RALGDS: variants seen among roughly 807,000 people sequenced by gnomAD.
RALGDS encodes ral guanine nucleotide exchange factor.
Under a neutral mutation model 99.8 loss-of-function variants are expected in RALGDS, and 44 were observed. The observed-to-expected ratio is 0.44, with a 90% CI of 0.35 to 0.57. RALGDS has a LOEUF of 0.57. Among genes scored for constraint, RALGDS ranks in the 20% least tolerant of loss-of-function variants. The pLI is 0.01. For synonymous variants in RALGDS, 529 were observed against 505.0 expected (o/e 1.05, Z -0.64); for missense variants, 1,022 against 1,203.1 (o/e 0.85, Z 2.23).
At chr9:133,146,173 A>ATGTT (rs926132248) in intron 1 of RALGDS, among the ~76,000 whole-genome samples, 7 of 144,220 alleles carry the variant, frequency 4.9e-5, no homozygotes, top group African/African-American at 1.2e-4. Context: ...GGCTCCCATG[A>ATGTT]TGTTTGTTTG....
chr9:133,102,294 C>G (rs775240991), intron 14 of RALGDS, among the ~76,000 whole-genome samples, 155 bp from the exon 15 acceptor site: 13 of 152,176 alleles, frequency 8.5e-5, no homozygotes, highest in Non-Finnish European at 1.2e-4. Context: ...TAGTATCACC[C>G]CATTTCACAG....
Position 133,103,218 on chromosome 9 carries a change from G to T in RALGDS, c.1791+12C>A. On this transcript the variant is annotated intron_variant, in intron 12 of 17. Coordinates refer to ENST00000372050, the MANE Select transcript of RALGDS (RefSeq NM_006266.4). The stretch of plus-strand genomic sequence containing the variant: ...ACCCCTCCCCAAGTCAGGGCTGCCT[G>T]CAGCTGCTTACCTTCCTCCTCTTCT... The T allele has an allele frequency of 1.2e-6, 2 of 1,613,858 alleles. No individual in the cohort carries two copies. The highest frequency in any genetic ancestry group is 4.5e-5 in the East Asian group (2 of 44,884).
chr9:133,099,481 T>G (rs939805385), intron 17 of RALGDS: 3 of 140,126 alleles, frequency 2.1e-5, no homozygotes, highest in Admixed American at 7.4e-5. Context: ...GGGCTAATGG[T>G]GGGAGGTGGT....
chr9:133,142,621 C>T (rs932032692), intron 1 of RALGDS, among the ~76,000 whole-genome samples: 2 of 152,322 alleles, frequency 1.3e-5, no homozygotes, highest in South Asian at 4.1e-4. Flanking sequence ...CATAAGCTCA[C>T]ACCCCACCCC....
At chr9:133,104,451 T>C in intron 9 of RALGDS, 120 bp from the exon 10 acceptor site, 1 of 916,964 alleles carries the variant, frequency 1.1e-6, no homozygotes, top group Non-Finnish European at 1.8e-6. Context: ...TACTCACTAG[T>C]GTGGGGTCCT....
At chr9:133,121,841 G>A (rs1170757154), upstream of RALGDS, among the ~76,000 whole-genome samples, 2 of 152,266 alleles carry the variant, frequency 1.3e-5, no homozygotes, top group Non-Finnish European at 2.9e-5. Flanking sequence ...TGGAGAGGCT[G>A]ACCATGTGTT....
chr9:133,107,687 G>A (rs988663002), intron 6 of RALGDS, among the ~76,000 whole-genome samples: 11 of 152,228 alleles, frequency 7.2e-5, no homozygotes, highest in African/African-American at 2.7e-4. Context: ...ACAGATGGGG[G>A]TGACCCATGG....
chr9:133,120,774 C>T (rs534550113), intron 1 of RALGDS, among the ~76,000 whole-genome samples, 198 bp downstream of exon 1: 2 of 152,256 alleles, frequency 1.3e-5, no homozygotes, highest in African/African-American at 4.8e-5. Context: ...TTGGACGGGG[C>T]GCGGCGGCAG....
rs752467408 is a variant in RALGDS, at chr9:133,121,063, T to A, written c.92A>T (p.Asp31Val). The change falls in exon 1 of 18, where the codon GAC becomes GTC. Residue 31 changes from aspartate to valine, a missense_variant. Around this residue, in one of 3 missense-constraint regions of RALGDS, gnomAD observed 180 missense variants for 169.3 expected, o/e 1.06. Transcript: ENST00000372050. ...PGSRRSRSVWDAVRLEVGVPD... is the reference protein window; with the variant it reads ...PGSRRSRSVWVAVRLEVGVPD... ...GACGCCCACCTCCAGGCGCACGGCG[T>A]CCCACACGCTGCGGCTCCGCCGGGA... 1.3e-6 allele frequency: 2 copies of A among 1,487,162 alleles called. No homozygotes were observed. The highest frequency in any genetic ancestry group is 1.3e-5 in the South Asian group (1 of 79,402). 92.1% of individuals were successfully genotyped at this position (1,487,162 alleles called of 1,614,324 possible).
chr9:133,123,962 A>ACACAAAGATACACAGAGATG (rs1832053734), upstream of RALGDS, among the ~76,000 whole-genome samples: 1 of 141,066 alleles, frequency 7.1e-6, no homozygotes, highest in Non-Finnish European at 1.6e-5. Flanking sequence ...ACACACAGAG[A>ACACAAAGATACACAGAGATG]CACACACATA....
chr9:133,137,305 T>C (rs1261307833), intron 1 of RALGDS, among the ~76,000 whole-genome samples: 1 of 152,240 alleles, frequency 6.6e-6, no homozygotes, highest in Non-Finnish European at 1.5e-5. Context: ...TGTAAGCTCC[T>C]TGAGAGCAGG....
Position 133,106,544 on chromosome 9 carries a change from G to A in RALGDS, c.1517+101C>T, listed in dbSNP as rs530196669. The stretch of plus-strand genomic sequence containing the variant: ...CAACTCAGGTCAGTGAAGGGTCCCT[G>A]CCCTCAGGGTTTGTGGCCTCCCATG... On this transcript the variant is annotated intron_variant, in intron 8 of 17. Coordinates refer to ENST00000372050, the MANE Select transcript of RALGDS (RefSeq NM_006266.4). 1.3e-4 allele frequency: 113 copies of A among 889,150 alleles called. 1 individual carries two copies. The highest frequency in any genetic ancestry group is 8.1e-4 in the South Asian group (57 of 70,674). The allele number at this position is 889,150 out of a possible 1,614,324, so 55.1% of individuals were successfully genotyped here. A position where few individuals can be genotyped will look rare whatever the true frequency, so the allele number is the denominator to read the frequency against.
intron 1 of RALGDS, among the ~76,000 whole-genome samples, chr9:133,137,053 G>T (rs569987468): frequency 6.6e-6 from 1 of 152,112 alleles, no homozygotes; most frequent in Admixed American, 6.6e-5. Context: ...TGGCCAACAC[G>T]GTAAAACCCC....
At chr9:133,106,777 G>GGCC in intron 7 of RALGDS, 29 bp from the exon 8 acceptor site, 1 of 1,535,454 alleles carries the variant, frequency 6.5e-7, no homozygotes, top group South Asian at 1.1e-5. Context: ...GAGGCATGAG[G>GGCC]TGGGGCTGGA....
chr9:133,121,324 C>T, upstream of RALGDS: 7 of 671,488 alleles, frequency 1.0e-5, no homozygotes, highest in Non-Finnish European at 1.3e-5. Flanking sequence ...AGGGGCGGAA[C>T]CGGAGAGTCC....
Position 133,108,263 on chromosome 9 carries a change from C to G in RALGDS, c.922G>C (p.Ala308Pro), listed in dbSNP as rs768623077. The change falls in exon 6 of 18, where the codon GCT becomes CCT. Residue 308 changes from alanine to proline, a missense_variant. This residue lies in a region of RALGDS where 825 missense variants were observed against 994.5 expected (regional missense o/e 0.83). Coordinates refer to ENST00000372050, the MANE Select transcript of RALGDS (RefSeq NM_006266.4). ...TPAPGSELEV[A>P]PAPAPELQQA... ...TGGAGCTCCGGAGCTGGTGCTGGAG[C>G]TACTTCTAGCTCTGAACCTGGAGCT... is the stretch of plus-strand genomic sequence containing the variant. The G allele has an allele frequency of 1.3e-6, 2 of 1,583,970 alleles. No individual in the cohort carries two copies. Among genetic ancestry groups the G allele is most frequent in the Non-Finnish European group, 1.7e-6 (2 of 1,164,652 alleles).
intron 1 of RALGDS, among the ~76,000 whole-genome samples, chr9:133,146,613 C>T (rs926371057): frequency 1.3e-5 from 2 of 152,156 alleles, no homozygotes; most frequent in African/African-American, 2.4e-5. Context: ...CCCCTTCCTC[C>T]GAGGGTGATT....
At chr9:133,139,529 C>T (rs1186617703) in intron 1 of RALGDS, among the ~76,000 whole-genome samples, 1 of 152,230 alleles carries the variant, frequency 6.6e-6, no homozygotes, top group Non-Finnish European at 1.5e-5. Flanking sequence ...CTGCTTCACC[C>T]TTGAACTCCA....
At position 133,121,200 on chromosome 9, in the gene RALGDS, G is replaced by GGGC. The variant is rs1831925340; in HGVS notation, c.-49_-47dup. 1.1e-6 allele frequency: 1 copy of GGGC among 885,084 alleles called. No individual in the cohort carries two copies. Among genetic ancestry groups the GGGC allele is most frequent in the Non-Finnish European group, 1.4e-6 (1 of 740,540 alleles). The allele number at this position is 885,084 out of a possible 1,614,324, so 54.8% of individuals were successfully genotyped here. ...GCGGGGCCGGCCCGGCGCGCGGCGG[G>GGGC]GGCGGCGGCGCGGCCCGCGCGGCTG... On this transcript the variant is annotated 5_prime_UTR_variant, in exon 1 of 18. Coordinates refer to ENST00000372050, the MANE Select transcript of RALGDS (RefSeq NM_006266.4).
Sources: gnomAD v4.1 joint callset for allele counts (sites outside exome capture counted in the v4.1 genomes callset) on GRCh38, gnomAD v4.1.1 for gene constraint, gnomAD v4.1.1 regional missense constraint, MANE v1.5 for transcripts, NCBI Gene and HGNC (gene_info 2026-07-23, HGNC 2026-07-21) for gene names.